Variants in RBM19 observed in about 807,000 individuals in gnomAD.
The protein encoded by RBM19 is probable RNA-binding protein 19.
RBM19 carries 94 observed loss-of-function variants against 116.8 expected under a neutral mutation model. That is an observed-to-expected ratio of 0.80 (90% CI 0.68 to 0.95). The LOEUF is 0.95. Ranked by LOEUF, RBM19 falls within the 40% of genes least tolerant of loss-of-function variation. The pLI is 0.00. For missense variants in RBM19, 1,161 were observed against 1,220.7 expected, an observed-to-expected ratio of 0.95 and a Z score of 0.73; for synonymous variants, 475 against 494.1, an observed-to-expected ratio of 0.96 and a Z score of 0.51.
At chr12:113,918,002 G>A (rs1335798509) in intron 20 of RBM19, among the ~76,000 whole-genome samples, 1 of 152,170 alleles carries the variant, frequency 6.6e-6, no homozygotes, top group Non-Finnish European at 1.5e-5. Flanking sequence ...CCATAAAGCT[G>A]AATGTCTAGG....
chr12:113,911,880 T>C (rs1882451132), intron 21 of RBM19, among the ~76,000 whole-genome samples: 1 of 152,182 alleles, frequency 6.6e-6, no homozygotes, highest in Non-Finnish European at 1.5e-5. Context: ...CTAGTGTTAC[T>C]ACCACTAGTT....
intron 21 of RBM19, among the ~76,000 whole-genome samples, chr12:113,864,105 C>T (rs11066794): frequency 0.24 from 36,009 of 151,978 alleles, 4,545 homozygotes; most frequent in Middle Eastern, 0.33. Flanking sequence ...CCACAACAGG[C>T]GAAGTGACTT....
intron 1 of RBM19, among the ~76,000 whole-genome samples, chr12:113,964,410 C>T (rs1486899145): frequency 1.3e-5 from 2 of 152,186 alleles, no homozygotes; most frequent in Non-Finnish European, 2.9e-5. Context: ...CTGCAACTGC[C>T]CTTGTTTTTA....
chr12:113,918,121 T>G (rs984977768), intron 20 of RBM19, among the ~76,000 whole-genome samples: 1 of 147,336 alleles, frequency 6.8e-6, no homozygotes, highest in African/African-American at 2.5e-5. Flanking sequence ...CACTTGTTCC[T>G]TTTCTTATTA....
intron 21 of RBM19, among the ~76,000 whole-genome samples, chr12:113,908,937 C>T (rs956089795): frequency 3.3e-5 from 5 of 152,196 alleles, no homozygotes; most frequent in African/African-American, 1.2e-4. Flanking sequence ...CAGAGTGTCC[C>T]AGCTTATATT....
chr12:113,926,532 A>G (rs945247179), intron 17 of RBM19, among the ~76,000 whole-genome samples: 2 of 152,120 alleles, frequency 1.3e-5, no homozygotes, highest in African/African-American at 2.4e-5. Context: ...TCCTTCTAGA[A>G]GCCCCCGGCC....
chr12:113,844,885 A>G, intron 22 of RBM19, 97 bp from the exon 23 acceptor site: 1 of 1,467,690 alleles, frequency 6.8e-7, no homozygotes, highest in Non-Finnish European at 9.1e-7. Context: ...CTCAGATGCC[A>G]AAGCCCAGGT....
chr12:113,905,686 C>A (rs781112949), intron 21 of RBM19, among the ~76,000 whole-genome samples: 1 of 151,254 alleles, frequency 6.6e-6, no homozygotes, highest in Non-Finnish European at 1.5e-5. Context: ...GGAGACACTG[C>A]AATCACACAG....
intron 21 of RBM19, among the ~76,000 whole-genome samples, chr12:113,904,687 A>G (rs1200006375): frequency 3.3e-5 from 5 of 152,152 alleles, no homozygotes; most frequent in African/African-American, 1.2e-4. Flanking sequence ...CCCCAAACAC[A>G]CATAGACACA....
intron 15 of RBM19, among the ~76,000 whole-genome samples, chr12:113,938,078 A>C (rs1951604300): frequency 6.6e-6 from 1 of 152,154 alleles, no homozygotes; most frequent in African/African-American, 2.4e-5. Context: ...CAAAATGAAG[A>C]CAGCAGTCTT....
At chr12:113,881,614 C>T (rs947980848) in intron 21 of RBM19, among the ~76,000 whole-genome samples, 4 of 152,158 alleles carry the variant, frequency 2.6e-5, no homozygotes, top group East Asian at 3.8e-4. Context: ...AAAACCCTGA[C>T]GTGGCAGCCT....
chr12:113,889,234 C>T (rs936124984), intron 21 of RBM19, among the ~76,000 whole-genome samples: 6 of 152,342 alleles, frequency 3.9e-5, no homozygotes, highest in African/African-American at 1.2e-4. Context: ...GTTGCAACAA[C>T]CAAAAGTGAC....
At chr12:113,835,824 C>G (rs768572919) in intron 23 of RBM19, among the ~76,000 whole-genome samples, 3 of 152,206 alleles carry the variant, frequency 2.0e-5, no homozygotes, top group Admixed American at 6.5e-5. Flanking sequence ...CTAACCACAG[C>G]CCATCAGTCC....
chr12:113,923,727 C>T (rs542155160), intron 18 of RBM19, among the ~76,000 whole-genome samples: 3 of 152,354 alleles, frequency 2.0e-5, no homozygotes, highest in East Asian at 1.9e-4. Context: ...CTCCCAGCCT[C>T]GGGCTGATGT....
intron 8 of RBM19, among the ~76,000 whole-genome samples, chr12:113,952,014 A>G (rs1039745539): frequency 6.6e-6 from 1 of 152,246 alleles, no homozygotes; most frequent in African/African-American, 2.4e-5. Flanking sequence ...CCCCGAGCTC[A>G]GACACTCTGC....
intron 21 of RBM19, among the ~76,000 whole-genome samples, chr12:113,865,202 T>C (rs1246503860): frequency 6.6e-6 from 1 of 152,206 alleles, no homozygotes; most frequent in Non-Finnish European, 1.5e-5. Context: ...CCCCATTCCC[T>C]GAACCCACCA....
intron 21 of RBM19, among the ~76,000 whole-genome samples, chr12:113,881,501 G>T (rs923692755): frequency 8.8e-5 from 13 of 147,450 alleles, no homozygotes; most frequent in African/African-American, 3.3e-4. Flanking sequence ...AAAAATGGCA[G>T]GGACATCTAC....
rs1251384270 is a variant in RBM19, at chr12:113,827,498, C to T, written c.2786-4177G>A. ...AGGCGCAGGCAGGCAGGGAGAAAGG[C>T]GCAGGCAGGGAGAAAGGGCGGGGGG... is the stretch of plus-strand genomic sequence containing the variant. On this transcript the variant is annotated intron_variant, in intron 23 of 23. Coordinates refer to ENST00000261741, the MANE Select transcript of RBM19 (RefSeq NM_016196.4). Among the ~76,000 whole-genome samples the T allele has an allele frequency of 5.4e-5, 6 of 111,376 alleles. 1 individual carries two copies. The South Asian group carries it at 1.0e-3, about 19-fold the overall frequency. The allele number at this position is 111,376 out of a possible 152,430, so 73.1% of individuals were successfully genotyped here.
At chr12:113,891,823 G>C (rs911956378) in intron 21 of RBM19, among the ~76,000 whole-genome samples, 5 of 152,218 alleles carry the variant, frequency 3.3e-5, no homozygotes, top group Admixed American at 3.3e-4. Flanking sequence ...GGTAGGCAGA[G>C]TATAATTGCC....
Sources: gnomAD v4.1 joint callset for allele counts (sites outside exome capture counted in the v4.1 genomes callset) on GRCh38, gnomAD v4.1.1 for gene constraint, MANE v1.5 for transcripts, NCBI Gene and HGNC (gene_info 2026-07-23, HGNC 2026-07-21) for gene names.